The following FYB1 variants were observed in gnomAD, a reference collection of about 807,000 sequenced individuals.
The protein encoded by FYB1 is FYN binding protein 1, also known as FYN-binding protein 1.
A neutral mutation model predicts 94.1 loss-of-function variants in FYB1; 41 were observed. The ratio of observed to expected loss-of-function variants is 0.44; its 90% CI spans 0.34 to 0.57. FYB1 has a LOEUF of 0.57. Ranked by LOEUF, FYB1 falls within the 20% of genes least tolerant of loss-of-function variation. The pLI is 0.02. For missense variants in FYB1, 1,050 were observed against 976.8 expected (o/e 1.07, Z -1.00); for synonymous variants, 367 against 353.2 (o/e 1.04, Z -0.44).
intron 1 of FYB1, among the ~76,000 whole-genome samples, chr5:39,203,881 T>C (rs1312549206): frequency 6.6e-6 from 1 of 152,212 alleles, no homozygotes; most frequent in Non-Finnish European, 1.5e-5. Context: ...TCTGTGAATG[T>C]AATCCCATTT....
intron 8 of FYB1, 26 bp downstream of exon 8, chr5:39,134,829 G>C: frequency 6.2e-7 from 1 of 1,611,818 alleles, no homozygotes; most frequent in East Asian, 2.2e-5. Flanking sequence ...AAAATACTTC[G>C]AAGCCATAGA....
At chr5:39,162,139 A>C (rs1396867897) in intron 2 of FYB1, among the ~76,000 whole-genome samples, 4 of 152,228 alleles carry the variant, frequency 2.6e-5, no homozygotes, top group Non-Finnish European at 5.9e-5. Context: ...GAATGCTGCT[A>C]TGAACGTTAA....
chr5:39,124,817 T>C (rs1394973706), intron 12 of FYB1, among the ~76,000 whole-genome samples: 2 of 151,908 alleles, frequency 1.3e-5, no homozygotes, highest in East Asian at 3.9e-4. Context: ...TGAGAGCTTA[T>C]TAATTAAAGT....
chr5:39,238,288 T>A (rs1751057608), intron 1 of FYB1, among the ~76,000 whole-genome samples: 1 of 152,034 alleles, frequency 6.6e-6, no homozygotes, highest in Non-Finnish European at 1.5e-5. Flanking sequence ...TACGTGTATG[T>A]GCATAAAATT....
At chr5:39,244,210 G>C (rs1751358578) in intron 1 of FYB1, among the ~76,000 whole-genome samples, 1 of 152,042 alleles carries the variant, frequency 6.6e-6, no homozygotes, top group Admixed American at 6.5e-5. Context: ...GGGCATCCCT[G>C]TCTTGTGCCA....
intron 1 of FYB1, among the ~76,000 whole-genome samples, chr5:39,247,729 C>T (rs1439433788): frequency 6.6e-6 from 1 of 151,336 alleles, no homozygotes; most frequent in Non-Finnish European, 1.5e-5. Context: ...AGTAAACATT[C>T]CAGGGTTAAT....
At chr5:39,121,810 TA>T (rs1028061650) in intron 14 of FYB1, among the ~76,000 whole-genome samples, 2 of 152,274 alleles carry the variant, frequency 1.3e-5, no homozygotes, top group South Asian at 2.1e-4. Context: ...AAAGTCCTTT[TA>T]AAAAATAAAT....
At chr5:39,230,876 C>T (rs922290502) in intron 1 of FYB1, among the ~76,000 whole-genome samples, 1 of 128,366 alleles carries the variant, frequency 7.8e-6, no homozygotes, top group Non-Finnish European at 1.8e-5. Flanking sequence ...CACACACACA[C>T]ACATATATAT....
intron 16 of FYB1, among the ~76,000 whole-genome samples, chr5:39,116,717 T>A (rs1236356337): frequency 6.6e-6 from 1 of 152,108 alleles, no homozygotes; most frequent in African/African-American, 2.4e-5. Context: ...GATCATAACA[T>A]CCTTGTTACT....
chr5:39,194,264 T>C (rs1003700013), intron 2 of FYB1, among the ~76,000 whole-genome samples: 15 of 152,208 alleles, frequency 9.9e-5, no homozygotes, highest in African/African-American at 3.6e-4. Context: ...CTCATGTCTG[T>C]AATCTCAGCA....
chr5:39,225,514 A>T (rs2150561604), intron 1 of FYB1, among the ~76,000 whole-genome samples: 1 of 152,276 alleles, frequency 6.6e-6, no homozygotes. Context: ...CTCACTGCCC[A>T]TGCTGCTGGG....
rs539468580 is a variant in FYB1, at chr5:39,106,172, T to C, written c.*1271A>G. ...CCTAAGGTAATTGGTAGTGAAGAGT[T>C]GGAAAAACTTACTTAGTCTAATATT... On this transcript the variant is annotated 3_prime_UTR_variant, in exon 19 of 19. Coordinates refer to ENST00000512982, the MANE Select transcript of FYB1 (RefSeq NM_001465.6). 21 of 152,278 alleles carry C rather than the reference T, an allele frequency of 1.4e-4. No individual in the cohort carries two copies. Among genetic ancestry groups the C allele is most frequent in the Admixed American group, 5.2e-4 (8 of 15,282 alleles). The allele number at this position is 152,278 out of a possible 1,614,324, so 9.4% of individuals were successfully genotyped here. A position where few individuals can be genotyped will look rare whatever the true frequency, so the allele number is the denominator to read the frequency against.
At chr5:39,109,824 A>G (rs1310247480) in intron 17 of FYB1, among the ~76,000 whole-genome samples, 2 of 152,126 alleles carry the variant, frequency 1.3e-5, no homozygotes, top group Non-Finnish European at 2.9e-5. Context: ...CTTATTCATA[A>G]GAATAGAAGA....
intron 2 of FYB1, among the ~76,000 whole-genome samples, chr5:39,181,368 C>G (rs13186990): frequency 1.5e-5 from 2 of 136,930 alleles, no homozygotes; most frequent in African/African-American, 4.9e-5. Context: ...AACTGAGGAG[C>G]TGAATTTTGA....
intron 1 of FYB1, among the ~76,000 whole-genome samples, chr5:39,237,344 C>T (rs114779134): frequency 0.018 from 2,742 of 151,994 alleles, 100 homozygotes; most frequent in African/African-American, 0.061. Flanking sequence ...AGGGCAAATA[C>T]GAAAGATATT....
intron 1 of FYB1, among the ~76,000 whole-genome samples, chr5:39,228,474 C>T (rs1400023494): frequency 1.3e-5 from 2 of 151,922 alleles, no homozygotes; most frequent in African/African-American, 4.8e-5. Flanking sequence ...CAAAGATATC[C>T]ACAAATATTT....
chr5:39,159,508 A>G (rs571821430), intron 2 of FYB1, among the ~76,000 whole-genome samples: 1 of 152,290 alleles, frequency 6.6e-6, no homozygotes, highest in South Asian at 2.1e-4. Flanking sequence ...AGATCTTACC[A>G]CATTTACCAT....
chr5:39,129,734 C>A, intron 10 of FYB1, among the ~76,000 whole-genome samples: 1 of 151,470 alleles, frequency 6.6e-6, no homozygotes, highest in Non-Finnish European at 1.5e-5. Flanking sequence ...ATCATCTTAC[C>A]CCAGTTAGAA....
chr5:39,110,387 C>T lies in FYB1; in HGVS notation c.2404G>A (p.Gly802Ser), dbSNP rs1168641822. 6.3e-7 allele frequency: 1 copy of T among 1,590,188 alleles called. No homozygotes were observed. Among genetic ancestry groups the T allele is most frequent in the Admixed American group, 1.7e-5 (1 of 59,074 alleles). The change falls in exon 17 of 19, where the codon GGT becomes AGT. Residue 802 changes from glycine (G) to serine (S), a missense_variant and splice_region_variant. By Grantham distance (56) the Gly-to-Ser change is moderately conservative. Transcript: ENST00000512982. ...VLCRNEEGKY[G>S]YVLRSYLADN... ...GCTAGGTAACTCCGAAGGACATAACCATCTACGAAGGAAAAAGGAAATAAA... is the reference window on the plus strand; with the variant it reads ...GCTAGGTAACTCCGAAGGACATAACTATCTACGAAGGAAAAAGGAAATAAA...
Sources: allele counts gnomAD v4.1 joint callset (sites outside exome capture counted in the v4.1 genomes callset), GRCh38; gene constraint gnomAD v4.1.1; transcripts MANE v1.5; gene names NCBI Gene and HGNC (gene_info 2026-07-23, HGNC 2026-07-21).